The following TRDN variants were observed in gnomAD, a reference collection of about 807,000 sequenced individuals.
The protein encoded by TRDN is triadin in skeletal muscle.
In TRDN, 161 loss-of-function variants were observed where a neutral mutation model predicts 149.7. The observed-to-expected ratio is 1.08, with a 90% CI of 0.95 to 1.23. The LOEUF (loss-of-function observed/expected upper bound fraction) is 1.23, where lower values mean the gene tolerates loss of function less well. Among genes scored for constraint, TRDN ranks in the 50% most tolerant of loss-of-function variants. The probability of loss-of-function intolerance (pLI) is 0.00; values close to 1 mark genes in which losing one functional copy is unlikely to be tolerated. For synonymous variants in TRDN, 294 were observed against 250.5 expected (o/e 1.17, Z -1.64); for missense variants, 896 against 823.5 (o/e 1.09, Z -1.08).
intron 10 of TRDN, among the ~76,000 whole-genome samples, chr6:123,456,610 A>G (rs777979492): frequency 2.0e-5 from 3 of 152,052 alleles, no homozygotes; most frequent in Non-Finnish European, 4.4e-5. Context: ...CTGGGACTAC[A>G]GGCATATGCC....
chr6:123,477,837 C>T (rs1045964992), intron 9 of TRDN, among the ~76,000 whole-genome samples: 1 of 146,806 alleles, frequency 6.8e-6, no homozygotes, highest in Non-Finnish European at 1.5e-5. Flanking sequence ...CATATTCTCA[C>T]TCATAGGTGG....
At chr6:123,267,636 T>C (rs573104585) in intron 32 of TRDN, 71 bp downstream of exon 32, 1 of 1,086,598 alleles carries the variant, frequency 9.2e-7, no homozygotes, top group African/African-American at 1.6e-5. Flanking sequence ...CTTGTATGCA[T>C]TACTTTAATT....
intron 32 of TRDN, among the ~76,000 whole-genome samples, chr6:123,267,101 C>CAAAAAAA (rs768727745): frequency 4.3e-5 from 3 of 69,340 alleles, no homozygotes; most frequent in Admixed American, 2.2e-4. Context: ...GATTTTGTCT[C>CAAAAAAA]AAAAAAAAAA....
At chr6:123,273,399 C>A in intron 27 of TRDN, 36 bp from the exon 28 acceptor site, 1 of 898,370 alleles carries the variant, frequency 1.1e-6, no homozygotes, top group Non-Finnish European at 1.5e-6. Context: ...ATTAAATTAC[C>A]TGCAAAATGG....
In TRDN at chr6:123,273,331, A is replaced by T. The variant is rs1160367659; in HGVS notation, c.1624+6T>A. 6.5e-6 allele frequency: 7 copies of T among 1,073,100 alleles called. No homozygotes were observed. Among genetic ancestry groups the T allele is most frequent in the Non-Finnish European group, 8.8e-6 (7 of 792,708 alleles). The allele number at this position is 1,073,100 out of a possible 1,614,324, so 66.5% of individuals were successfully genotyped here. A position where few individuals can be genotyped will look rare whatever the true frequency, so the allele number is the denominator to read the frequency against. On this transcript the variant is annotated splice_donor_region_variant and intron_variant, in intron 28 of 40. Coordinates refer to ENST00000334268, the MANE Select transcript of TRDN (RefSeq NM_006073.4). ...TCTAAGCATAAAAGATAAAATTAAT[A>T]CATACTGTGTATTTGCACTTTTTCA...
At chr6:123,439,596 C>G (rs971505781) in intron 10 of TRDN, 1 of 152,200 alleles carries the variant, frequency 6.6e-6, no homozygotes, top group African/African-American at 2.4e-5. Flanking sequence ...TCAATCTTTG[C>G]ACCCAGAGGT....
In TRDN at chr6:123,586,982, TG is replaced by T. The variant is rs553233581; in HGVS notation, c.23-15851del. ...GAGGTTGGGGCACGGAAATAAGGGA[TG>T]GGGGCACAGAGATATGAGGTTGGGG... is the stretch of plus-strand genomic sequence containing the variant. On this transcript the variant is annotated intron_variant, in intron 1 of 40. Coordinates refer to ENST00000334268, the MANE Select transcript of TRDN (RefSeq NM_006073.4). Among the ~76,000 whole-genome samples the T allele has an allele frequency of 2.1e-4, 32 of 151,140 alleles. No homozygotes were observed. In the South Asian group the frequency reaches 6.1e-3, roughly 29 times the overall value.
intron 24 of TRDN, among the ~76,000 whole-genome samples, chr6:123,302,058 T>C (rs1778449585): frequency 6.6e-6 from 1 of 150,690 alleles, no homozygotes. Context: ...ATAATATGTA[T>C]ATGTATAATT....
chr6:123,485,121 T>C (rs542147056), intron 9 of TRDN, among the ~76,000 whole-genome samples: 1 of 152,276 alleles, frequency 6.6e-6, no homozygotes, highest in African/African-American at 2.4e-5. Flanking sequence ...CTCATGAGGG[T>C]ATGGCAAGTC....
rs184529658 is a variant in TRDN at position 123,315,166 on chromosome 6, T to C, written c.1510+1291A>G. On this transcript the variant is annotated intron_variant, in intron 24 of 40. Transcript: ENST00000334268. The stretch of plus-strand genomic sequence containing the variant: ...AAAGGACAACATAATGCACCTTTTA[T>C]CTGATTAGTGAGTTTTCACTACTCC... 2.9e-4 allele frequency among the ~76,000 whole-genome samples: 44 copies of C among 152,140 alleles called. No individual in the cohort carries two copies. In the East Asian group the frequency reaches 6.9e-3, roughly 24 times the overall value.
At chr6:123,323,979 C>T (rs144286865) in intron 23 of TRDN, among the ~76,000 whole-genome samples, 4 of 152,276 alleles carry the variant, frequency 2.6e-5, no homozygotes, top group African/African-American at 4.8e-5. Context: ...TTGTCAGAAT[C>T]AGGCCCTGTG....
intron 20 of TRDN, among the ~76,000 whole-genome samples, chr6:123,362,718 G>A (rs544019384): frequency 6.6e-6 from 1 of 152,182 alleles, no homozygotes; most frequent in South Asian, 2.1e-4. Context: ...TTTCAACCTT[G>A]AAATATGGTA....
chr6:123,421,609 T>C (rs532122642), intron 12 of TRDN: 2 of 152,240 alleles, frequency 1.3e-5, no homozygotes, highest in African/African-American at 4.8e-5. Context: ...GAAGTAATTA[T>C]ATACAGATGG....
At chr6:123,222,720 CT>C (rs145683948) in intron 39 of TRDN, among the ~76,000 whole-genome samples, 6 of 150,646 alleles carry the variant, frequency 4.0e-5, no homozygotes, top group East Asian at 2.0e-4. Context: ...AGAGAAAATA[CT>C]TTTTTTTTAT....
chr6:123,498,529 C>T (rs1402567842), intron 8 of TRDN: 2 of 470,538 alleles, frequency 4.3e-6, no homozygotes, highest in Non-Finnish European at 8.8e-6. Context: ...CACATTTTCC[C>T]ACAGGAGAGG....
At chr6:123,464,254 A>T in intron 10 of TRDN, 1 of 984,290 alleles carries the variant, frequency 1.0e-6, no homozygotes, top group Non-Finnish European at 1.2e-6. Context: ...AATGACTTTA[A>T]CGTTCCAGCA....
intron 13 of TRDN, among the ~76,000 whole-genome samples, chr6:123,391,924 A>T (rs1319105685): frequency 6.6e-6 from 1 of 152,132 alleles, no homozygotes; most frequent in Non-Finnish European, 1.5e-5. Context: ...TAATTTAATT[A>T]TATGCCTATG....
At chr6:123,553,642 G>C (rs909594816) in intron 2 of TRDN, among the ~76,000 whole-genome samples, 2 of 152,156 alleles carry the variant, frequency 1.3e-5, no homozygotes, top group Non-Finnish European at 2.9e-5. Flanking sequence ...GTTCCACTTT[G>C]CTGAAGAAGC....
intron 1 of TRDN, among the ~76,000 whole-genome samples, chr6:123,619,283 G>T (rs1785257550): frequency 6.6e-6 from 1 of 152,122 alleles, no homozygotes; most frequent in Admixed American, 6.6e-5. Context: ...GCCTGCCTCT[G>T]CTCCACAGTT....
Sources: gnomAD v4.1 joint callset for allele counts (sites outside exome capture counted in the v4.1 genomes callset) on GRCh38, gnomAD v4.1.1 for gene constraint, MANE v1.5 for transcripts, NCBI Gene and HGNC (gene_info 2026-07-23, HGNC 2026-07-21) for gene names.